AGO2: variants seen among roughly 807,000 people sequenced by gnomAD.
AGO2 encodes the protein protein argonaute-2.
Under a neutral mutation model 102.3 loss-of-function variants are expected in AGO2, and 5 were observed. The observed-to-expected ratio is 0.05, with a 90% CI of 0.03 to 0.10. The LOEUF is 0.10. Ranked by LOEUF, AGO2 falls within the 10% of genes least tolerant of loss-of-function variation. The pLI is 1.00. For synonymous variants in AGO2, 449 were observed against 473.1 expected (o/e 0.95, Z 0.66); for missense variants, 541 against 1,183.7 (o/e 0.46, Z 7.97).
At chr8:140,547,654 C>G in intron 12 of AGO2, 27 bp from the exon 13 acceptor site, 4 of 1,592,514 alleles carry the variant, frequency 2.5e-6, no homozygotes, top group Non-Finnish European at 3.4e-6. Context: ...GCACACACAG[C>G]TCTGCCGGCG....
intron 1 of AGO2, among the ~76,000 whole-genome samples, chr8:140,627,311 A>G (rs1296456889): frequency 1.3e-5 from 2 of 152,188 alleles, no homozygotes; most frequent in African/African-American, 4.8e-5. Flanking sequence ...TGGAAAGACA[A>G]ACTCACAACA....
chr8:140,579,573 C>T (rs1291338787), intron 2 of AGO2, among the ~76,000 whole-genome samples: 4 of 152,122 alleles, frequency 2.6e-5, no homozygotes, highest in Non-Finnish European at 5.9e-5. Flanking sequence ...CTGGGAGCCC[C>T]ATTCCACTCC....
chr8:140,622,237 G>A (rs1440117104), intron 1 of AGO2, among the ~76,000 whole-genome samples: 5 of 151,994 alleles, frequency 3.3e-5, no homozygotes, highest in African/African-American at 9.7e-5. Context: ...GGGTGGGAGC[G>A]AATGGGGGTG....
chr8:140,526,974 T>C lies in AGO2; in HGVS notation c.*5070A>G, dbSNP rs1410074362. The C allele has an allele frequency of 6.6e-6, 1 of 152,028 alleles. No individual in the cohort carries two copies. Among genetic ancestry groups the C allele is most frequent in the Non-Finnish European group, 1.5e-5 (1 of 67,998 alleles). 9.4% of individuals were successfully genotyped at this position (152,028 alleles called of 1,614,324 possible). On this transcript the variant is annotated 3_prime_UTR_variant, in exon 19 of 19. Transcript: ENST00000220592. This position sits in a 1 kb window ranked among gnomAD's most constrained non-coding sequence, Gnocchi z 5.2. ...AGTAACCTCATGGCTTTAAGATGAC[T>C]CTGACCACAGAGATGCAAGGAGGCC...
intron 1 of AGO2, among the ~76,000 whole-genome samples, chr8:140,612,000 G>A (rs1040936720): frequency 4.0e-5 from 6 of 151,738 alleles, no homozygotes. Flanking sequence ...CGAGGCGGGC[G>A]ATCACGAGGT....
Position 140,562,547 on chromosome 8 carries a change from C to A in AGO2, c.424G>T (p.Ala142Ser), listed in dbSNP as rs753058876. The A allele has an allele frequency of 7.4e-6, 12 of 1,614,160 alleles. No homozygotes were observed. The highest frequency in any genetic ancestry group is 9.3e-6 in the Non-Finnish European group (11 of 1,180,050). The change falls in exon 4 of 19, where the codon GCG (alanine) becomes TCG (serine). Residue 142 changes from alanine (A) to serine (S), a missense_variant. Ala to Ser is a moderately conservative substitution (Grantham distance 99). Transcript: ENST00000220592. The part of the protein sequence containing the change: ...IKWVSCVSLQ[A>S]LHDALSGRLP... ...CGCCCTGAAAGTGCATCGTGTAACG[C>A]CTGCAAGCTCACGCAGGACACCCAC...
intron 2 of AGO2, among the ~76,000 whole-genome samples, chr8:140,574,790 G>A (rs1446005051): frequency 6.6e-6 from 1 of 152,190 alleles, no homozygotes; most frequent in Non-Finnish European, 1.5e-5. Context: ...AGCAGGGTAA[G>A]GTGGGGGCGG....
intron 1 of AGO2, among the ~76,000 whole-genome samples, chr8:140,607,126 G>A (rs957010689): frequency 2.0e-5 from 3 of 152,054 alleles, no homozygotes; most frequent in African/African-American, 7.2e-5. Flanking sequence ...GTGCATGCTT[G>A]TAACCGCAGC....
chr8:140,591,726 C>G (rs1328226750), intron 1 of AGO2: 1 of 152,184 alleles, frequency 6.6e-6, no homozygotes, highest in Non-Finnish European at 1.5e-5. Context: ...GTGATCTTTA[C>G]GAAGAAAACT....
intron 1 of AGO2, among the ~76,000 whole-genome samples, chr8:140,606,310 G>T (rs1450064739): frequency 6.6e-6 from 1 of 152,226 alleles, no homozygotes; most frequent in African/African-American, 2.4e-5. Flanking sequence ...CCCACCTACT[G>T]CGAGAGCAAG....
chr8:140,629,235 A>G (rs2074312265), intron 1 of AGO2, among the ~76,000 whole-genome samples: 1 of 152,198 alleles, frequency 6.6e-6, no homozygotes, highest in Non-Finnish European at 1.5e-5. Context: ...CTGCCAGCCA[A>G]TGTGTGACCT....
chr8:140,597,464 T>C (rs7465680), intron 1 of AGO2, among the ~76,000 whole-genome samples: 97,392 of 119,016 alleles, frequency 0.82, 40,278 homozygotes, highest in Admixed American at 0.85. Context: ...GGGGGCTGGG[T>C]GGCCCCCCCA....
chr8:140,584,374 CGGAGCTGACG>C (rs1246985713), intron 2 of AGO2, among the ~76,000 whole-genome samples: 1 of 152,112 alleles, frequency 6.6e-6, no homozygotes. Flanking sequence ...AAACACTCAG[CGGAGCTGACG>C]GGAGGAAAAC....
Position 140,629,443 on chromosome 8 carries a change from C to T in AGO2, c.22+6042G>A, listed in dbSNP as rs541304606. Among the ~76,000 whole-genome samples, 123 of 152,106 alleles carry T rather than the reference C, an allele frequency of 8.1e-4. 4 individuals carry two copies. The highest frequency in any genetic ancestry group is 1.2e-4 in the Non-Finnish European group (8 of 68,026). ...GATGCTAGTCATCCAGGCCAAAGTC[C>T]CCACTTAACAGGCGAGAAAACTGAG... is the stretch of plus-strand genomic sequence containing the variant. On this transcript the variant is annotated intron_variant, in intron 1 of 18. Coordinates refer to ENST00000220592, the MANE Select transcript of AGO2 (RefSeq NM_012154.5).
chr8:140,574,501 C>T (rs930499291), intron 2 of AGO2, among the ~76,000 whole-genome samples: 1 of 152,156 alleles, frequency 6.6e-6, no homozygotes, highest in African/African-American at 2.4e-5. Flanking sequence ...TGGGCTCAGG[C>T]AATCCTCCTG....
intron 3 of AGO2, among the ~76,000 whole-genome samples, chr8:140,563,380 G>A (rs1051477196): frequency 3.3e-5 from 5 of 152,128 alleles, no homozygotes; most frequent in African/African-American, 4.8e-5. Flanking sequence ...ACAGGCACAC[G>A]CCACCAAACT....
chr8:140,587,016 C>T (rs1335937459), intron 1 of AGO2, among the ~76,000 whole-genome samples: 2 of 152,200 alleles, frequency 1.3e-5, no homozygotes, highest in East Asian at 1.9e-4. Context: ...GGCTGGAACA[C>T]GAGCTACTTG....
chr8:140,588,151 C>T (rs1167315816), intron 1 of AGO2, among the ~76,000 whole-genome samples: 3 of 152,226 alleles, frequency 2.0e-5, no homozygotes, highest in Admixed American at 6.5e-5. Flanking sequence ...CATGTCCTAC[C>T]CAGTCTTATT....
chr8:140,546,492 G>GCAAA, intron 13 of AGO2, among the ~76,000 whole-genome samples: 1 of 152,198 alleles, frequency 6.6e-6, no homozygotes. Flanking sequence ...ACACAGCAGG[G>GCAAA]GCTCACCACC....
Sources: allele counts gnomAD v4.1 joint callset (sites outside exome capture counted in the v4.1 genomes callset), GRCh38; gene constraint gnomAD v4.1.1; non-coding constraint Gnocchi (gnomAD v3.1); transcripts MANE v1.5; gene names NCBI Gene and HGNC (gene_info 2026-07-23, HGNC 2026-07-21).